REV3L: variants seen among roughly 807,000 people sequenced by gnomAD.
REV3L encodes DNA polymerase zeta catalytic subunit.
In REV3L, 69 loss-of-function variants were observed where a neutral mutation model predicts 299.4. That is an observed-to-expected ratio of 0.23 (90% confidence interval 0.19 to 0.28). REV3L has a LOEUF of 0.28. REV3L is among the 10% of genes least tolerant of loss of function. The pLI, the probability that REV3L is intolerant of heterozygous loss-of-function variation, is 1.00. For synonymous variants in REV3L, 1,238 were observed against 1,271.4 expected, an observed-to-expected ratio of 0.97 and a Z score of 0.56; for missense variants, 3,128 against 3,693.8, an observed-to-expected ratio of 0.85 and a Z score of 3.97.
intron 16 of REV3L, chr6:111,360,507 T>TGGA (rs1778549573): frequency 2.0e-5 from 3 of 146,762 alleles, no homozygotes; most frequent in Non-Finnish European, 4.5e-5. Context: ...ACAGGGTCTC[T>TGGA]CTCTGTTGCC....
At chr6:111,459,760 A>G (rs73532791) in intron 1 of REV3L, among the ~76,000 whole-genome samples, 242 of 152,234 alleles carry the variant, frequency 1.6e-3, no homozygotes, top group African/African-American at 5.7e-3. Context: ...TAAAAAGTCA[A>G]TAAATAACAG....
rs144753407 is a variant in REV3L, at chr6:111,303,671, C to CTT, written c.9253-3517_9253-3516dup. ...CGTGAGCCATGATCCCCAGCCGAGG[C>CTT]TTTTTTTTTTTTTTTTTAACAGACT... is the stretch of plus-strand genomic sequence containing the variant. On this transcript the variant is annotated intron_variant, in intron 31 of 31. Coordinates refer to ENST00000368802, the MANE Select transcript of REV3L (RefSeq NM_001372078.1). Among the ~76,000 whole-genome samples, 463 of 56,078 alleles carry CTT rather than the reference C, an allele frequency of 8.3e-3. 29 individuals are homozygous for CTT. The highest frequency in any genetic ancestry group is 0.017 in the African/African-American group (225 of 13,594). The allele number at this position is 56,078 out of a possible 152,430, so 36.8% of individuals were successfully genotyped here.
intron 1 of REV3L, among the ~76,000 whole-genome samples, chr6:111,447,268 T>G (rs1206823668): frequency 3.3e-5 from 5 of 152,326 alleles, no homozygotes; most frequent in Middle Eastern, 6.8e-3. Context: ...GAATCACCAG[T>G]AAACCGGGAT....
At chr6:111,347,181 A>G (rs1371953803) in intron 20 of REV3L, among the ~76,000 whole-genome samples, 1 of 152,110 alleles carries the variant, frequency 6.6e-6, no homozygotes, top group Non-Finnish European at 1.5e-5. Flanking sequence ...AGACAGGAGA[A>G]TTGCTTGAAC....
intron 1 of REV3L, among the ~76,000 whole-genome samples, chr6:111,439,778 A>G (rs1050273505): frequency 6.6e-6 from 1 of 152,198 alleles, no homozygotes; most frequent in African/African-American, 2.4e-5. Context: ...TTCTGAATCC[A>G]GGCAAAAACC....
chr6:111,363,633 T>G (rs1214632256), intron 16 of REV3L, among the ~76,000 whole-genome samples: 2 of 152,176 alleles, frequency 1.3e-5, no homozygotes, highest in South Asian at 4.1e-4. Context: ...GTGAAAGATA[T>G]GAAATCACAA....
chr6:111,330,596 A>T (rs532519624), intron 24 of REV3L, among the ~76,000 whole-genome samples: 1 of 152,328 alleles, frequency 6.6e-6, no homozygotes, highest in East Asian at 1.9e-4. Flanking sequence ...CAAGTTTAAA[A>T]AAAAGCTGTT....
chr6:111,353,539 T>C (rs1777787617), intron 18 of REV3L, among the ~76,000 whole-genome samples: 1 of 152,200 alleles, frequency 6.6e-6, no homozygotes, highest in South Asian at 2.1e-4. Flanking sequence ...TCCATTGTTA[T>C]ACCACAGACT....
intron 13 of REV3L, 32 bp from the exon 14 acceptor site, chr6:111,368,060 G>T: frequency 6.6e-7 from 1 of 1,522,254 alleles, no homozygotes. Flanking sequence ...CAACTGTTTT[G>T]TTTCAAAGAG....
chr6:111,469,669 G>A (rs959469903), intron 1 of REV3L, among the ~76,000 whole-genome samples: 4 of 152,138 alleles, frequency 2.6e-5, no homozygotes, highest in African/African-American at 9.7e-5. Flanking sequence ...CCTAGCCTGC[G>A]GGAGACACAT....
At chr6:111,477,287 T>C (rs1412112648) in intron 1 of REV3L, among the ~76,000 whole-genome samples, 1 of 152,208 alleles carries the variant, frequency 6.6e-6, no homozygotes, top group African/African-American at 2.4e-5. Context: ...AGCACTGTGG[T>C]AAGCATTAAC....
chr6:111,302,306 T>C (rs1454969274), intron 31 of REV3L, among the ~76,000 whole-genome samples: 1 of 152,222 alleles, frequency 6.6e-6, no homozygotes, highest in Non-Finnish European at 1.5e-5. Context: ...GTATTACAGC[T>C]CTATGAATTG....
chr6:111,305,856 A>G (rs1438186137), intron 31 of REV3L, among the ~76,000 whole-genome samples: 2 of 152,174 alleles, frequency 1.3e-5, no homozygotes, highest in Non-Finnish European at 2.9e-5. Context: ...TCAGGACAGA[A>G]GTCTATTAAA....
intron 1 of REV3L, among the ~76,000 whole-genome samples, chr6:111,451,162 C>T (rs1789494064): frequency 6.6e-6 from 1 of 152,048 alleles, no homozygotes; most frequent in Admixed American, 6.6e-5. Flanking sequence ...GGGAAAGGGA[C>T]CAAGTAATGG....
At chr6:111,430,275 G>A in intron 1 of REV3L, 1 of 1,029,646 alleles carries the variant, frequency 9.7e-7, no homozygotes, top group Non-Finnish European at 1.5e-6. Flanking sequence ...CAATTGCAGA[G>A]AAAAGATCCA....
chr6:111,405,566 T>C lies in REV3L; in HGVS notation c.469A>G (p.Ile157Val), dbSNP rs778752507. The C allele has an allele frequency of 1.7e-5, 27 of 1,606,010 alleles. No individual in the cohort carries two copies. Among genetic ancestry groups the C allele is most frequent in the Non-Finnish European group, 2.3e-5 (27 of 1,176,182 alleles). ...NKFYQPHEAH[I>V]PYLLQLFIDY... Reference sequence around the variant, plus strand: ...ATGAAGAGCTGTAGGAGGTAGGGAATATGCGCTTCATGAGGCTGGTAAAAT... The same window carrying C: ...ATGAAGAGCTGTAGGAGGTAGGGAACATGCGCTTCATGAGGCTGGTAAAAT... The change falls in exon 4 of 32, where the codon ATT (isoleucine) becomes GTT (valine). Residue 157 changes from isoleucine (I) to valine (V), a missense_variant. Around this residue, in one of 9 missense-constraint regions of REV3L, gnomAD observed 2,409 missense variants for 2,611.8 expected, o/e 0.92. Coordinates refer to ENST00000368802, the MANE Select transcript of REV3L (RefSeq NM_001372078.1).
intron 25 of REV3L, 107 bp downstream of exon 25, chr6:111,329,425 C>T: frequency 1.0e-6 from 1 of 1,000,538 alleles, no homozygotes; most frequent in African/African-American, 1.6e-5. Context: ...CTGAAGACCC[C>T]CGCACCACAT....
At position 111,367,267 on chromosome 6, in the gene REV3L, C is replaced by G; in HGVS notation, c.6521G>C (p.Ser2174Thr). 1.2e-6 allele frequency: 2 copies of G among 1,612,892 alleles called. No homozygotes were observed. The highest frequency in any genetic ancestry group is 1.7e-6 in the Non-Finnish European group (2 of 1,179,742). Residue 2174 changes from serine (S) to threonine (T), a missense_variant, in exon 14 of 32, where the codon AGT (serine) becomes ACT (threonine). By Grantham distance (58) the Ser-to-Thr change is moderately conservative (BLOSUM62 1). Around this residue, in one of 9 missense-constraint regions of REV3L, gnomAD observed 2,409 missense variants for 2,611.8 expected, o/e 0.92. Coordinates refer to ENST00000368802, the MANE Select transcript of REV3L (RefSeq NM_001372078.1). Reference protein sequence around the residue: ...IKDGIQKSPCSEPQEPLVISP... With the variant: ...IKDGIQKSPCTEPQEPLVISP... ...TATCACTAGAGGCTCTTGAGGCTCA[C>G]TGCAGGGGCTTTTTTGTATACCATC...
At chr6:111,370,096 G>A (rs968863028) in intron 13 of REV3L, among the ~76,000 whole-genome samples, 1 of 152,118 alleles carries the variant, frequency 6.6e-6, no homozygotes, top group African/African-American at 2.4e-5. Context: ...CTCCCAAAGT[G>A]CTGGGATTAC....
Sources: gnomAD v4.1 joint callset for allele counts (sites outside exome capture counted in the v4.1 genomes callset) on GRCh38, gnomAD v4.1.1 for gene constraint, gnomAD v4.1.1 regional missense constraint, MANE v1.5 for transcripts, NCBI Gene and HGNC (gene_info 2026-07-23, HGNC 2026-07-21) for gene names.